SIGLEC6: variants seen among roughly 807,000 people sequenced by gnomAD.
SIGLEC6 encodes the protein sialic acid binding Ig like lectin 6.
A neutral mutation model predicts 41.4 loss-of-function variants in SIGLEC6; 31 were observed. The ratio of observed to expected loss-of-function variants is 0.75; its 90% confidence interval spans 0.56 to 1.01. SIGLEC6 has a LOEUF of 1.01. Among genes scored for constraint, SIGLEC6 ranks in the 50% least tolerant of loss-of-function variants. The probability of loss-of-function intolerance (pLI) is 0.00; values close to 1 mark genes in which losing one functional copy is unlikely to be tolerated. For synonymous variants in SIGLEC6, 217 were observed against 231.0 expected, an observed-to-expected ratio of 0.94 and a Z score of 0.55; for missense variants, 555 against 558.6, an observed-to-expected ratio of 0.99 and a Z score of 0.06.
intron 5 of SIGLEC6, 170 bp downstream of exon 5, chr19:51,529,554 A>G: frequency 1.3e-6 from 1 of 758,214 alleles, no homozygotes; most frequent in South Asian, 1.8e-5. Context: ...CTGCCAGTGC[A>G]GGGAGGAGCC....
chr19:51,522,563 T>C (rs1442161072), intron 7 of SIGLEC6, among the ~76,000 whole-genome samples: 3 of 152,206 alleles, frequency 2.0e-5, no homozygotes, highest in Non-Finnish European at 2.9e-5. Context: ...GGTGGGCAGA[T>C]TGATTTGAGC....
chr19:51,530,746 GT>G lies in SIGLEC6; in HGVS notation c.640del (p.Thr214ProfsTer4). Reference protein sequence around the residue: ...PRPQDHSTNLTCQVTFPGAGV... With the variant: ...PRPQDHSTNLXCQVTFPGAGV... Reference sequence around the variant, plus strand: ...GGCTCCAGGGAACGTCACCTGACAGGTGAGGTTGGTGCTGTGGTCCTGGGGC... The same window carrying G: ...GGCTCCAGGGAACGTCACCTGACAGGGAGGTTGGTGCTGTGGTCCTGGGGC... On this transcript the variant is annotated frameshift_variant, in exon 3 of 8. Transcript: ENST00000425629. LOFTEE classifies it high-confidence loss of function. 1 of 1,614,160 alleles carries G rather than the reference GT, an allele frequency of 6.2e-7. No homozygotes were observed. The highest frequency in any genetic ancestry group is 8.5e-7 in the Non-Finnish European group (1 of 1,180,006).
chr19:51,527,742 C>T lies in SIGLEC6; in HGVS notation c.1188+5G>A. ...TGAATGGAAATTAAGGTCTCTGTCA[C>T]TCACCCTGGAGCCTGAGACCATGAC... On this transcript the variant is annotated splice_donor_5th_base_variant and intron_variant, in intron 7 of 7. Transcript: ENST00000425629. The T allele has an allele frequency of 6.2e-7, 1 of 1,613,878 alleles. No homozygotes were observed. Among genetic ancestry groups the T allele is most frequent in the Admixed American group, 1.7e-5 (1 of 60,002 alleles).
intron 5 of SIGLEC6, among the ~76,000 whole-genome samples, chr19:51,528,911 G>A (rs1979693906): frequency 6.8e-6 from 1 of 147,190 alleles, no homozygotes; most frequent in South Asian, 2.2e-4. Flanking sequence ...AACCCGGGAG[G>A]TGGAGGTTGC....
At position 51,530,806 on chromosome 19, in the gene SIGLEC6, G is replaced by A. The variant is rs773159383; in HGVS notation, c.581C>T (p.Thr194Ile). 8.1e-6 allele frequency: 13 copies of A among 1,614,072 alleles called. No individual in the cohort carries two copies. Among genetic ancestry groups the A allele is most frequent in the Non-Finnish European group, 1.0e-5 (12 of 1,179,984 alleles). The change falls in exon 3 of 8, where the codon ACC (threonine) becomes ATC (isoleucine). Residue 194 changes from threonine (T) to isoleucine (I), a missense_variant. Transcript: ENST00000425629. Reference sequence around the variant, plus strand: ...GATTGTGAGCACCGAGGACTGGGTGGTCCTGGGGCCCAGGGAGGTGGGGGC... The same window carrying A: ...GATTGTGAGCACCGAGGACTGGGTGATCCTGGGGCCCAGGGAGGTGGGGGC... ...SAAPTSLGPR[T>I]TQSSVLTITP...
Position 51,530,727 on chromosome 19 carries a change from A to C in SIGLEC6, c.660T>G (p.Pro220=). The change falls in exon 3 of 8, where the codon CCT becomes CCG. Residue 220 remains proline, a synonymous_variant. Coordinates refer to ENST00000425629, the MANE Select transcript of SIGLEC6 (RefSeq NM_001245.7). ...STNLTCQVTF[P]GAGVTMERTI... Reference sequence around the variant, plus strand: ...TTCTCTCCATGGTCACACCGGCTCCAGGGAACGTCACCTGACAGGTGAGGT... The same window carrying C: ...TTCTCTCCATGGTCACACCGGCTCCCGGGAACGTCACCTGACAGGTGAGGT... 6.2e-7 allele frequency: 1 copy of C among 1,614,046 alleles called. No individual in the cohort carries two copies. Among genetic ancestry groups the C allele is most frequent in the Non-Finnish European group, 8.5e-7 (1 of 1,179,988 alleles).
At position 51,529,934 on chromosome 19, in the gene SIGLEC6, G is replaced by A; in HGVS notation, c.802C>T (p.Gln268Ter). Residue 268 changes from glutamine to a stop codon, truncating the protein, a stop_gained, in exon 5 of 8, where the codon CAG (glutamine) becomes TAG (stop). Coordinates refer to ENST00000425629, the MANE Select transcript of SIGLEC6 (RefSeq NM_001245.7). LOFTEE classifies it high-confidence loss of function. The stretch of plus-strand genomic sequence containing the variant: ...GCATCACAGAGCAGCCGCAGAGCCT[G>A]GCCCTCCAGGACAGGGAGGGACGAG... ...NTSSLPVLEG[Q>*]ALRLLCDADG... 1.2e-6 allele frequency: 2 copies of A among 1,612,352 alleles called. No individual in the cohort carries two copies. The highest frequency in any genetic ancestry group is 1.7e-6 in the Non-Finnish European group (2 of 1,178,796).
chr19:51,529,278 T>G (rs10405214), intron 5 of SIGLEC6: 131,800 of 175,630 alleles, frequency 0.75, 49,925 homozygotes, highest in Admixed American at 0.82. Flanking sequence ...GCACTTTGAA[T>G]TACTTTGTTA....
At chr19:51,530,990 A>T in intron 2 of SIGLEC6, 31 bp from the exon 3 acceptor site, 3 of 1,601,044 alleles carry the variant, frequency 1.9e-6, no homozygotes, top group Non-Finnish European at 2.5e-6. Flanking sequence ...CAGGATCAGG[A>T]TGGAGGTCTG....
Position 51,528,808 on chromosome 19 carries a change from C to G in SIGLEC6, c.1013-555G>C, listed in dbSNP as rs141137281. 4.1e-3 allele frequency among the ~76,000 whole-genome samples: 628 copies of G among 152,108 alleles called. 2 individuals carry two copies. The highest frequency in any genetic ancestry group is 0.014 in the African/African-American group (561 of 41,476). ...CCATCCTGGCCAACATGGTGAAACC[C>G]TGTCTCTACTCAAAATATAAAAATT... On this transcript the variant is annotated intron_variant, in intron 5 of 7. Coordinates refer to ENST00000425629, the MANE Select transcript of SIGLEC6 (RefSeq NM_001245.7).
Position 51,530,893 on chromosome 19 carries a change from G to C in SIGLEC6, c.494C>G (p.Thr165Ser), listed in dbSNP as rs368418347. 2 of 1,613,652 alleles carry C rather than the reference G, an allele frequency of 1.2e-6. No homozygotes were observed. Among genetic ancestry groups the C allele is most frequent in the African/African-American group, 2.7e-5 (2 of 74,918 alleles). ...TLESGHPSNL[T>S]CSVPWVCEQG... is the part of the protein sequence containing the mutation. The stretch of plus-strand genomic sequence containing the variant: ...CTCACAGACCCAGGGCACAGAGCAG[G>C]TCAGATTGCTGGGATGGCCAGACTC... The change falls in exon 3 of 8, where the codon ACC becomes AGC. Residue 165 changes from threonine to serine, a missense_variant. Thr to Ser is a moderately conservative substitution (Grantham distance 58). Transcript: ENST00000425629.
intron 7 of SIGLEC6, among the ~76,000 whole-genome samples, chr19:51,525,312 T>C (rs1189870400): frequency 6.6e-6 from 1 of 151,830 alleles, no homozygotes; most frequent in African/African-American, 2.4e-5. Flanking sequence ...AACAGACAAG[T>C]CTGCCATTTT....
At position 51,517,983 on chromosome 19, in the gene SIGLEC6, A is replaced by G. The variant is rs1379439878; in HGVS notation, c.*2099T>C. 1.3e-5 allele frequency among the ~76,000 whole-genome samples: 2 copies of G among 152,144 alleles called. No homozygotes were observed. Among genetic ancestry groups the G allele is most frequent in the Admixed American group, 1.3e-4 (2 of 15,274 alleles). On this transcript the variant is annotated 3_prime_UTR_variant, in exon 8 of 8. Transcript: ENST00000425629. Reference sequence around the variant, plus strand: ...ATGTTTGACCCCTCTACAAACCATCATTTTTACAACAAGTATTTGTTTCAT... The same window carrying G: ...ATGTTTGACCCCTCTACAAACCATCGTTTTTACAACAAGTATTTGTTTCAT...
Position 51,530,462 on chromosome 19 carries a change from G to C in SIGLEC6, c.729C>G (p.Ile243Met). The part of the protein sequence containing the change: ...NVSYAPQKVA[I>M]SIFQGNSAAF... ...CTGCGCTGTTTCCTTGGAAGATGCTGATGGCCACTTTCTGTGGAGCATCTG... is the reference window on the plus strand; with the variant it reads ...CTGCGCTGTTTCCTTGGAAGATGCTCATGGCCACTTTCTGTGGAGCATCTG... The change falls in exon 4 of 8, where the codon ATC (isoleucine) becomes ATG (methionine). Residue 243 changes from isoleucine to methionine, a missense_variant. By Grantham distance (10) the Ile-to-Met change is conservative. Transcript: ENST00000425629. The C allele has an allele frequency of 6.2e-7, 1 of 1,614,146 alleles. No individual in the cohort carries two copies. Among genetic ancestry groups the C allele is most frequent in the Non-Finnish European group, 8.5e-7 (1 of 1,179,980 alleles).
chr19:51,519,833 A>T lies in SIGLEC6; in HGVS notation c.*249T>A, dbSNP rs577969798. The T allele has an allele frequency of 7.8e-6, 2 of 255,698 alleles. No homozygotes were observed. Among genetic ancestry groups the T allele is most frequent in the East Asian group, 1.4e-4 (2 of 14,146 alleles). The allele number at this position is 255,698 out of a possible 1,614,324, so 15.8% of individuals were successfully genotyped here. On this transcript the variant is annotated 3_prime_UTR_variant, in exon 8 of 8. Transcript: ENST00000425629. ...GAAGAGAAGATTAGGACACAAACACACTCAGAGGAAAGACCATGTGAAGAC... is the reference window on the plus strand; with the variant it reads ...GAAGAGAAGATTAGGACACAAACACTCTCAGAGGAAAGACCATGTGAAGAC...
At chr19:51,522,664 G>A (rs1434944385) in intron 7 of SIGLEC6, among the ~76,000 whole-genome samples, 1 of 151,470 alleles carries the variant, frequency 6.6e-6, no homozygotes, top group Non-Finnish European at 1.5e-5. Context: ...GGTGGCTCAC[G>A]CCTGTAGTCC....
intron 7 of SIGLEC6, 23 bp from the exon 8 acceptor site, chr19:51,520,278 T>C (rs1990816673): frequency 6.5e-7 from 1 of 1,532,158 alleles, no homozygotes; most frequent in East Asian, 2.3e-5. Flanking sequence ...AAAGAAAAGA[T>C]TCAGGGCTGG....
chr19:51,530,595 C>T (rs2122473323), intron 3 of SIGLEC6, 86 bp downstream of exon 3: 1 of 1,606,318 alleles, frequency 6.2e-7, no homozygotes, highest in African/African-American at 1.3e-5. Context: ...TCTTTGGCAA[C>T]CAGGTCCCCA....
At chr19:51,528,996 T>C (rs1226515883) in intron 5 of SIGLEC6, among the ~76,000 whole-genome samples, 6 of 22,970 alleles carry the variant, frequency 2.6e-4, no homozygotes, top group African/African-American at 4.8e-4. Context: ...AGTGAGACCC[T>C]CTCTCAAAAA....
Sources: allele counts gnomAD v4.1 joint callset (sites outside exome capture counted in the v4.1 genomes callset), GRCh38; gene constraint gnomAD v4.1.1; transcripts MANE v1.5; gene names NCBI Gene and HGNC (gene_info 2026-07-23, HGNC 2026-07-21).